The following CIITA variants were observed in gnomAD, a reference collection of about 807,000 sequenced individuals.
CIITA encodes MHC class II transactivator.
A neutral mutation model predicts 115.1 loss-of-function variants in CIITA; 72 were observed. The ratio of observed to expected loss-of-function variants is 0.63; its 90% CI spans 0.52 to 0.76. The LOEUF is 0.76. CIITA is among the 30% of genes least tolerant of loss of function. The probability of loss-of-function intolerance (pLI) is 0.00; values close to 1 mark genes in which losing one functional copy is unlikely to be tolerated. For synonymous variants in CIITA, 763 were observed against 635.6 expected, an observed-to-expected ratio of 1.20 and a Z score of -3.02; for missense variants, 1,617 against 1,463.8, an observed-to-expected ratio of 1.10 and a Z score of -1.71.
chr16:10,907,472 G>A lies in CIITA; in HGVS notation c.1980G>A (p.Leu660=). The change falls in exon 11 of 20, where the codon CTG becomes CTA. Residue 660 remains leucine, a synonymous_variant. Coordinates refer to ENST00000324288, the MANE Select transcript of CIITA (RefSeq NM_000246.4). The surrounding 1 kb of genome is among the most constrained non-coding windows in gnomAD (Gnocchi z 5.0). ...LDSPPGALAE[L]AKLAWELGRR... ...GCCCCCCCGGGGCCCTGGCAGAGCTGGCCAAGCTGGCCTGGGAGCTGGGCC... is the reference window on the plus strand; with the variant it reads ...GCCCCCCCGGGGCCCTGGCAGAGCTAGCCAAGCTGGCCTGGGAGCTGGGCC... 3 of 1,613,642 alleles carry A rather than the reference G, an allele frequency of 1.9e-6. No individual in the cohort carries two copies. Among genetic ancestry groups the A allele is most frequent in the Non-Finnish European group, 2.5e-6 (3 of 1,179,956 alleles).
chr16:10,867,695 C>T (rs1213817871), intron 1 of CIITA, among the ~76,000 whole-genome samples: 2 of 152,168 alleles, frequency 1.3e-5, no homozygotes, highest in South Asian at 4.1e-4. Flanking sequence ...ATCCTTGGCT[C>T]CTCCAACTTT....
At chr16:10,919,151 G>C (rs1262690180) in intron 16 of CIITA, among the ~76,000 whole-genome samples, 4 of 152,100 alleles carry the variant, frequency 2.6e-5, no homozygotes, top group Admixed American at 2.0e-4. Flanking sequence ...AGATTCCCAG[G>C]AAAGATGGCA....
rs1405975721 is a variant in CIITA at position 10,923,814 on chromosome 16, G to C, written c.*23-64G>C. On this transcript the variant is annotated intron_variant, in intron 19 of 19. Transcript: ENST00000324288. The surrounding 1 kb of genome is among the most constrained non-coding windows in gnomAD (Gnocchi z 5.2). ...CCCATCTTGATAGCACCCTTCCCAG[G>C]TGTCAAGCTGCCCCTCCTAGAGTGT... The C allele has an allele frequency of 4.4e-5, 8 of 180,826 alleles. No individual in the cohort carries two copies. Among genetic ancestry groups the C allele is most frequent in the African/African-American group, 1.4e-4 (6 of 42,448 alleles). The allele number at this position is 180,826 out of a possible 1,614,324, so 11.2% of individuals were successfully genotyped here.
At chr16:10,874,680 G>C (rs536402412), upstream of CIITA, among the ~76,000 whole-genome samples, 1 of 152,240 alleles carries the variant, frequency 6.6e-6, no homozygotes, top group Admixed American at 6.5e-5. Flanking sequence ...GAGGAGTCAG[G>C]GAAGATGTAG....
chr16:10,884,026 G>A (rs2036676638), intron 1 of CIITA, among the ~76,000 whole-genome samples: 1 of 149,462 alleles, frequency 6.7e-6, no homozygotes, highest in Non-Finnish European at 1.5e-5. Context: ...TCCATGGTTT[G>A]TTTACATGAG....
Position 10,907,986 on chromosome 16 carries a change from C to G in CIITA, c.2494C>G (p.Arg832Gly), listed in dbSNP as rs778521786. The G allele has an allele frequency of 1.9e-5, 30 of 1,587,194 alleles. No homozygotes were observed. The highest frequency in any genetic ancestry group is 2.3e-5 in the South Asian group (2 of 87,430). Residue 832 changes from arginine (R) to glycine (G), a missense_variant, in exon 11 of 20, where the codon CGC becomes GGC. By Grantham distance (125) the Arg-to-Gly change is moderately radical. Coordinates refer to ENST00000324288, the MANE Select transcript of CIITA (RefSeq NM_000246.4). This position sits in a 1 kb window ranked among gnomAD's most constrained non-coding sequence, Gnocchi z 5.0. The part of the protein sequence containing the change: ...WQHVVQELPG[R>G]LSFLGTRLTP... ...GCACGTGGTACAGGAGCTCCCCGGC[C>G]GCCTCTCTTTTCTGGGCACCCGCCT...
In CIITA at chr16:10,899,043, G is replaced by A. The variant is rs766370195; in HGVS notation, c.436+41G>A. The A allele has an allele frequency of 2.9e-5, 47 of 1,598,174 alleles. No individual in the cohort carries two copies. In the South Asian group the frequency reaches 4.5e-4, roughly 15 times the overall value. Reference sequence around the variant, plus strand: ...CCTGATCCAACCTAGCCTTGCTTGAGACCTGGCCTTTCCTTGACTCCAAAG... The same window carrying A: ...CCTGATCCAACCTAGCCTTGCTTGAAACCTGGCCTTTCCTTGACTCCAAAG... On this transcript the variant is annotated intron_variant, in intron 5 of 19. Coordinates refer to ENST00000324288, the MANE Select transcript of CIITA (RefSeq NM_000246.4).
intron 3 of CIITA, among the ~76,000 whole-genome samples, chr16:10,896,370 C>G (rs1162941507): frequency 6.6e-6 from 1 of 152,044 alleles, no homozygotes; most frequent in Non-Finnish European, 1.5e-5. Context: ...CATTTTTAAC[C>G]ACAAAAAAAG....
At chr16:10,916,332 G>A (rs370296367) in intron 14 of CIITA, 35 bp from the exon 15 acceptor site, 70 of 1,603,328 alleles carry the variant, frequency 4.4e-5, no homozygotes, top group Middle Eastern at 1.7e-4. Flanking sequence ...GCCCCAGGAC[G>A]CTAGCTGATG....
At chr16:10,882,139 A>AG (rs2036493104) in intron 1 of CIITA, among the ~76,000 whole-genome samples, 1 of 152,216 alleles carries the variant, frequency 6.6e-6, no homozygotes, top group Non-Finnish European at 1.5e-5. Flanking sequence ...GTGGACAAAT[A>AG]TCTGTCTGAC....
rs1197179839 is a variant in CIITA at position 10,901,431 on chromosome 16, C to T, written c.437-83C>T. 10 of 1,459,352 alleles carry T rather than the reference C, an allele frequency of 6.9e-6. No individual in the cohort carries two copies. In the Admixed American group the frequency reaches 8.5e-5, roughly 12 times the overall value. 90.4% of individuals were successfully genotyped at this position (1,459,352 alleles called of 1,614,324 possible). A position where few individuals can be genotyped will look rare whatever the true frequency, so the allele number is the denominator to read the frequency against. On this transcript the variant is annotated intron_variant, in intron 5 of 19. Transcript: ENST00000324288. This position sits in a 1 kb window ranked among gnomAD's most constrained non-coding sequence, Gnocchi z 6.8. ...CACTACCCAGCCTTGAAGTTAAGGC[C>T]GTATAGCCTGCTAGAGTCCTGAGCC... is the stretch of plus-strand genomic sequence containing the variant.
intron 16 of CIITA, among the ~76,000 whole-genome samples, chr16:10,921,030 G>A (rs1399448512): frequency 1.3e-5 from 2 of 152,080 alleles, no homozygotes; most frequent in Non-Finnish European, 2.9e-5. Flanking sequence ...CATCACACCC[G>A]GCTAATTTTG....
intron 13 of CIITA, among the ~76,000 whole-genome samples, chr16:10,912,170 A>C (rs1041638905): frequency 1.3e-5 from 2 of 151,926 alleles, no homozygotes; most frequent in East Asian, 1.9e-4. Context: ...GCTAGAATGC[A>C]GTGGTATGAT....
At chr16:10,874,745 G>A (rs1448992964), upstream of CIITA, among the ~76,000 whole-genome samples, 4 of 152,178 alleles carry the variant, frequency 2.6e-5, no homozygotes, top group South Asian at 2.1e-4. Flanking sequence ...GTACCAGGCA[G>A]CTGCAGTCAC....
rs147889245 is a variant in CIITA at position 10,869,556 on chromosome 16, C to T, written c.-21+3237C>T. On this transcript the variant is annotated intron_variant, in intron 1 of 5. Transcript: ENST00000636238. ...TTTTTGATACAGAGTCTTGCTCTAT[C>T]GCCCAGCCTGGAGTGCAGTGGTGAG... is the stretch of plus-strand genomic sequence containing the variant. Among the ~76,000 whole-genome samples the T allele has an allele frequency of 5.7e-3, 848 of 149,558 alleles. 11 individuals carry two copies. Among genetic ancestry groups the T allele is most frequent in the African/African-American group, 0.02 (807 of 40,396 alleles).
chr16:10,897,341 C>T (rs2038235800), intron 3 of CIITA, among the ~76,000 whole-genome samples: 1 of 152,144 alleles, frequency 6.6e-6, no homozygotes, highest in Non-Finnish European at 1.5e-5. Context: ...AACCACTAGT[C>T]TTACTCCCAC....
rs1200008888 is a variant in CIITA at position 10,910,234 on chromosome 16, C to T, written c.2863C>T (p.Arg955Trp). Residue 955 changes from arginine to tryptophan, a missense_variant, in exon 13 of 20, where the codon CGG becomes TGG. Arg to Trp is a moderately radical substitution (Grantham distance 101). Coordinates refer to ENST00000324288, the MANE Select transcript of CIITA (RefSeq NM_000246.4). ...CACAGCTGGGGAGCTCCCTGCTGTT[C>T]GGGACCTAAAGAAACTGGAGTTTGC... ...EDTAGELPAV[R>W]DLKKLEFALG... 36 of 1,613,856 alleles carry T rather than the reference C, an allele frequency of 2.2e-5. No individual in the cohort carries two copies. Among genetic ancestry groups the T allele is most frequent in the Admixed American group, 3.3e-5 (2 of 59,996 alleles).
At chr16:10,910,075 G>T in intron 12 of CIITA, 113 bp from the exon 13 acceptor site, 4 of 855,328 alleles carry the variant, frequency 4.7e-6, no homozygotes, top group Non-Finnish European at 7.8e-6. Flanking sequence ...TTGCCCCAAG[G>T]AAAGCAATCC....
intron 2 of CIITA, 60 bp from the exon 3 acceptor site, chr16:10,895,609 T>A: frequency 6.2e-7 from 1 of 1,603,560 alleles, no homozygotes; most frequent in Non-Finnish European, 8.5e-7. Context: ...CTCTCCCTCG[T>A]TCCCCACCAG....
Sources: allele counts gnomAD v4.1 joint callset (sites outside exome capture counted in the v4.1 genomes callset), GRCh38; gene constraint gnomAD v4.1.1; non-coding constraint Gnocchi (gnomAD v3.1); transcripts MANE v1.5; gene names NCBI Gene and HGNC (gene_info 2026-07-23, HGNC 2026-07-21).